The following CCSER1 variants were observed in gnomAD, a reference collection of about 807,000 sequenced individuals.
The protein encoded by CCSER1 is coiled-coil serine rich protein 1.
CCSER1 carries 41 observed loss-of-function variants against 82.0 expected under a neutral mutation model. The ratio of observed to expected loss-of-function variants is 0.50; its 90% CI spans 0.39 to 0.65. CCSER1 has a LOEUF of 0.65. CCSER1 is among the 30% of genes least tolerant of loss of function. The pLI is 0.00. For synonymous variants in CCSER1, 414 were observed against 383.9 expected (o/e 1.08, Z -0.92); for missense variants, 1,119 against 1,064.2 (o/e 1.05, Z -0.72).
intron 7 of CCSER1, among the ~76,000 whole-genome samples, chr4:90,809,876 A>G (rs1300186380): frequency 6.7e-6 from 1 of 149,154 alleles, no homozygotes; most frequent in Non-Finnish European, 1.5e-5. Context: ...TACTAGACAG[A>G]GTGATACCCT....
At chr4:91,506,754 C>T (rs1365346497) in intron 10 of CCSER1, among the ~76,000 whole-genome samples, 1 of 151,984 alleles carries the variant, frequency 6.6e-6, no homozygotes, top group South Asian at 2.1e-4. Flanking sequence ...GTTGAGCAAC[C>T]ATTACCATTG....
chr4:90,229,595 G>C (rs954397189), intron 1 of CCSER1, among the ~76,000 whole-genome samples: 21 of 151,680 alleles, frequency 1.4e-4, no homozygotes, highest in African/African-American at 4.8e-4. Flanking sequence ...ACATCATAAT[G>C]ACAGGATCAA....
At chr4:90,827,460 A>G (rs1484928201) in intron 8 of CCSER1, among the ~76,000 whole-genome samples, 1 of 152,172 alleles carries the variant, frequency 6.6e-6, no homozygotes, top group African/African-American at 2.4e-5. Context: ...CAGGCATTAC[A>G]CTGGGTAATG....
chr4:90,407,822 G>A (rs952668035), intron 4 of CCSER1, among the ~76,000 whole-genome samples: 14 of 152,086 alleles, frequency 9.2e-5, no homozygotes, highest in African/African-American at 2.7e-4. Context: ...TACATGAGCC[G>A]AAGCAGGGTG....
At chr4:90,911,217 A>C (rs1451202207) in intron 8 of CCSER1, 2 of 434,044 alleles carry the variant, frequency 4.6e-6, no homozygotes, top group Non-Finnish European at 9.0e-6. Flanking sequence ...TCTACAACAA[A>C]AAAATTATAT....
intron 1 of CCSER1, among the ~76,000 whole-genome samples, chr4:90,228,481 C>T (rs1743706181): frequency 6.6e-6 from 1 of 152,146 alleles, no homozygotes; most frequent in Non-Finnish European, 1.5e-5. Context: ...ATATCACCAT[C>T]ATCAAAGACC....
At chr4:91,423,360 G>T (rs1027740695) in intron 10 of CCSER1, among the ~76,000 whole-genome samples, 3 of 151,914 alleles carry the variant, frequency 2.0e-5, no homozygotes, top group Non-Finnish European at 4.4e-5. Context: ...AACCCAGGAG[G>T]TGGAGATTGC....
At chr4:90,980,185 T>C (rs1030398343) in intron 9 of CCSER1, among the ~76,000 whole-genome samples, 1 of 151,878 alleles carries the variant, frequency 6.6e-6, no homozygotes, top group Non-Finnish European at 1.5e-5. Flanking sequence ...GCAACAGTGT[T>C]GCAAAAGGCC....
At chr4:91,008,994 C>T (rs1325600105) in intron 9 of CCSER1, among the ~76,000 whole-genome samples, 1 of 152,210 alleles carries the variant, frequency 6.6e-6, no homozygotes, top group Admixed American at 6.5e-5. Context: ...GGGCACTTAG[C>T]CGTGCAGGAA....
chr4:90,438,235 A>G (rs1759332258), intron 4 of CCSER1, among the ~76,000 whole-genome samples: 1 of 152,182 alleles, frequency 6.6e-6, no homozygotes, highest in Admixed American at 6.5e-5. Flanking sequence ...TATAAATCTT[A>G]TGGTTAACAA....
intron 4 of CCSER1, among the ~76,000 whole-genome samples, chr4:90,424,700 T>G (rs989261335): frequency 6.6e-6 from 1 of 152,206 alleles, no homozygotes; most frequent in Non-Finnish European, 1.5e-5. Context: ...TTAGAATGAT[T>G]GTCTCCAAAG....
At chr4:91,266,725 T>A (rs1422879585) in intron 10 of CCSER1, among the ~76,000 whole-genome samples, 2 of 152,178 alleles carry the variant, frequency 1.3e-5, no homozygotes, top group African/African-American at 4.8e-5. Context: ...GGAAATATAT[T>A]ATTAAAAATT....
intron 10 of CCSER1, among the ~76,000 whole-genome samples, chr4:91,418,231 T>G (rs1753483688): frequency 2.8e-5 from 4 of 141,434 alleles, no homozygotes; most frequent in African/African-American, 1.1e-4. Flanking sequence ...TAATACAGAT[T>G]AGAACTGAAA....
At chr4:91,457,621 G>C (rs1446190300) in intron 10 of CCSER1, among the ~76,000 whole-genome samples, 1 of 152,072 alleles carries the variant, frequency 6.6e-6, no homozygotes, top group Non-Finnish European at 1.5e-5. Context: ...AGTGAGCTGT[G>C]ATTGTGCCAC....
intron 1 of CCSER1, among the ~76,000 whole-genome samples, chr4:90,284,597 C>T (rs1372702614): frequency 2.0e-5 from 3 of 151,396 alleles, no homozygotes; most frequent in Admixed American, 6.6e-5. Context: ...GGGCTTAAGC[C>T]ATCCTCCCAT....
At chr4:90,565,974 C>T (rs1202793583) in intron 5 of CCSER1, among the ~76,000 whole-genome samples, 3 of 151,514 alleles carry the variant, frequency 2.0e-5, no homozygotes, top group Non-Finnish European at 2.9e-5. Flanking sequence ...GATTCTCCTG[C>T]CTCATCCCTA....
At chr4:90,753,969 A>G (rs1249908492) in intron 7 of CCSER1, among the ~76,000 whole-genome samples, 1 of 152,186 alleles carries the variant, frequency 6.6e-6, no homozygotes, top group Admixed American at 6.6e-5. Context: ...ATTACCATAT[A>G]GCTCATTCTA....
chr4:91,167,250 G>T (rs546107588), intron 10 of CCSER1, among the ~76,000 whole-genome samples: 1 of 145,212 alleles, frequency 6.9e-6, no homozygotes, highest in Admixed American at 7.0e-5. Flanking sequence ...GCATTGGCGC[G>T]ATCTCGGCTC....
intron 1 of CCSER1, among the ~76,000 whole-genome samples, chr4:90,244,139 G>A (rs1210381533): frequency 6.6e-6 from 1 of 152,078 alleles, no homozygotes; most frequent in African/African-American, 2.4e-5. Context: ...TTCTCTTAAT[G>A]AGAGAGGCTG....
Sources: gnomAD v4.1 joint callset for allele counts (sites outside exome capture counted in the v4.1 genomes callset) on GRCh38, gnomAD v4.1.1 for gene constraint, MANE v1.5 for transcripts, NCBI Gene and HGNC (gene_info 2026-07-23, HGNC 2026-07-21) for gene names.